The following PRKCB variants were observed in gnomAD, a reference collection of about 807,000 sequenced individuals.
PRKCB encodes protein kinase C beta.
In PRKCB, 13 loss-of-function variants were observed where a neutral mutation model predicts 81.5. The observed-to-expected ratio is 0.16, with a 90% CI of 0.10 to 0.25. The LOEUF (loss-of-function observed/expected upper bound fraction) is 0.25. PRKCB is among the 10% of genes least tolerant of loss of function. The probability of loss-of-function intolerance (pLI) is 1.00; values close to 1 mark genes in which losing one functional copy is unlikely to be tolerated. For synonymous variants in PRKCB, 335 were observed against 321.4 expected (o/e 1.04, Z -0.45); for missense variants, 509 against 875.7 (o/e 0.58, Z 5.29).
chr16:24,162,644 G>T (rs1020410901), intron 10 of PRKCB, among the ~76,000 whole-genome samples: 2 of 150,964 alleles, frequency 1.3e-5, no homozygotes, highest in African/African-American at 4.9e-5. Flanking sequence ...TAGAGATGGG[G>T]TTGAGACCTA....
intron 2 of PRKCB, among the ~76,000 whole-genome samples, chr16:23,953,078 C>T (rs185280134): frequency 1.3e-5 from 2 of 152,264 alleles, no homozygotes; most frequent in East Asian, 3.9e-4. Flanking sequence ...CATCATGCCA[C>T]CCCAATGAGG....
At chr16:23,940,981 G>C (rs907866981) in intron 2 of PRKCB, among the ~76,000 whole-genome samples, 1 of 152,178 alleles carries the variant, frequency 6.6e-6, no homozygotes, top group African/African-American at 2.4e-5. Flanking sequence ...TAGGATGATA[G>C]CTGTTTTTCA....
At chr16:24,121,224 C>T (rs1311583108) in intron 8 of PRKCB, among the ~76,000 whole-genome samples, 1 of 152,176 alleles carries the variant, frequency 6.6e-6, no homozygotes, top group African/African-American at 2.4e-5. Flanking sequence ...CTTCAGCAAC[C>T]CCAACATACC....
intron 2 of PRKCB, among the ~76,000 whole-genome samples, chr16:23,875,336 G>A (rs1029098356): frequency 6.6e-6 from 1 of 151,904 alleles, no homozygotes. Flanking sequence ...ACCATGCCCA[G>A]CCTCTCTGTG....
chr16:24,039,329 A>G (rs1295784248), intron 5 of PRKCB, among the ~76,000 whole-genome samples: 1 of 152,092 alleles, frequency 6.6e-6, no homozygotes, highest in African/African-American at 2.4e-5. Flanking sequence ...CTCATGTTCA[A>G]GCGATTCTCC....
At chr16:24,025,176 A>G (rs551375614) in intron 3 of PRKCB, among the ~76,000 whole-genome samples, 2 of 152,278 alleles carry the variant, frequency 1.3e-5, no homozygotes, top group Non-Finnish European at 2.9e-5. Context: ...AGCCCCTTCT[A>G]AGTCATTTTC....
intron 14 of PRKCB, 89 bp from the exon 15 acceptor site, chr16:24,185,371 C>T (rs1359801972): frequency 2.3e-6 from 3 of 1,302,358 alleles, no homozygotes; most frequent in Non-Finnish European, 3.3e-6. Context: ...TCACTGTGGG[C>T]CCCAGGGAGG....
At chr16:23,843,435 C>CT (rs1962301663) in intron 2 of PRKCB, among the ~76,000 whole-genome samples, 1 of 152,056 alleles carries the variant, frequency 6.6e-6, no homozygotes, top group Non-Finnish European at 1.5e-5. Flanking sequence ...GATGATTTGG[C>CT]TTTTTTCTTT....
chr16:23,882,235 A>G (rs991324300), intron 2 of PRKCB, among the ~76,000 whole-genome samples: 1 of 151,078 alleles, frequency 6.6e-6, no homozygotes, highest in Non-Finnish European at 1.5e-5. Flanking sequence ...ACACACTACC[A>G]TGCCCGGTTA....
Position 23,875,756 on chromosome 16 carries a change from A to ATATGTG in PRKCB, c.205+38351_205+38352insATGTGT, listed in dbSNP as rs1567298752. 1.0e-4 allele frequency among the ~76,000 whole-genome samples: 14 copies of ATATGTG among 135,912 alleles called. 2 individuals carry two copies. The highest frequency in any genetic ancestry group is 3.5e-4 in the African/African-American group (13 of 37,614). The allele number at this position is 135,912 out of a possible 152,430, so 89.2% of individuals were successfully genotyped here. The stretch of plus-strand genomic sequence containing the variant: ...ATATATGTATGTATATCACACATAT[A>ATATGTG]TGTATGTATATCACACATATATGTG... On this transcript the variant is annotated intron_variant, in intron 2 of 16. Coordinates refer to ENST00000643927, the MANE Select transcript of PRKCB (RefSeq NM_002738.7).
chr16:23,897,208 C>A (rs539672791), intron 2 of PRKCB, among the ~76,000 whole-genome samples: 26 of 152,272 alleles, frequency 1.7e-4, no homozygotes, highest in Non-Finnish European at 3.4e-4. Context: ...GGAAGGCACA[C>A]GTGCTGTGCT....
At chr16:23,854,179 G>A (rs1009215188) in intron 2 of PRKCB, among the ~76,000 whole-genome samples, 54 of 151,762 alleles carry the variant, frequency 3.6e-4, no homozygotes, top group African/African-American at 1.3e-3. Flanking sequence ...TGGGGACACA[G>A]CCAAACCATA....
intron 9 of PRKCB, among the ~76,000 whole-genome samples, chr16:24,131,643 C>T (rs1966853531): frequency 6.6e-6 from 1 of 152,246 alleles, no homozygotes; most frequent in South Asian, 2.1e-4. Flanking sequence ...TCCTTTTCTT[C>T]TTCTTAACAT....
chr16:24,168,674 C>T (rs928749849), intron 10 of PRKCB, among the ~76,000 whole-genome samples: 1 of 149,306 alleles, frequency 6.7e-6, no homozygotes, highest in African/African-American at 2.5e-5. Context: ...CCTCAGCCTC[C>T]CGAGTAGCTG....
intron 2 of PRKCB, among the ~76,000 whole-genome samples, chr16:23,962,431 T>G (rs1389928992): frequency 6.6e-6 from 1 of 152,250 alleles, no homozygotes; most frequent in Admixed American, 6.5e-5. Context: ...TTTGTAACCC[T>G]CTTTAGCATA....
chr16:23,939,271 A>G (rs1248851532), intron 2 of PRKCB, among the ~76,000 whole-genome samples: 2 of 152,230 alleles, frequency 1.3e-5, no homozygotes, highest in Non-Finnish European at 2.9e-5. Flanking sequence ...GTGTTCATGA[A>G]TTGAAAGACT....
intron 2 of PRKCB, among the ~76,000 whole-genome samples, chr16:23,945,328 G>C (rs1385568162): frequency 6.6e-6 from 1 of 152,196 alleles, no homozygotes; most frequent in Non-Finnish European, 1.5e-5. Context: ...CCATGAATAG[G>C]GGATGATATG....
At chr16:23,847,433 T>TGTCC (rs143099811) in intron 2 of PRKCB, among the ~76,000 whole-genome samples, 12,164 of 133,660 alleles carry the variant, frequency 0.091, 1,118 homozygotes, top group African/African-American at 0.24. Context: ...TCCATCCGTC[T>TGTCC]GTCCATCCAT....
intron 2 of PRKCB, among the ~76,000 whole-genome samples, chr16:23,857,729 T>TGG (rs1197452439): frequency 6.6e-6 from 1 of 151,996 alleles, no homozygotes; most frequent in African/African-American, 2.4e-5. Flanking sequence ...TGTGTGTGTG[T>TGG]GTGTGGGTGT....
Sources: allele counts gnomAD v4.1 joint callset (sites outside exome capture counted in the v4.1 genomes callset), GRCh38; gene constraint gnomAD v4.1.1; transcripts MANE v1.5; gene names NCBI Gene and HGNC (gene_info 2026-07-23, HGNC 2026-07-21).